The following ADAMTSL3 variants were observed in gnomAD, a reference collection of about 807,000 sequenced individuals.
The protein encoded by ADAMTSL3 is ADAMTS-like protein 3.
Under a neutral mutation model 201.7 loss-of-function variants are expected in ADAMTSL3, and 128 were observed. The observed-to-expected ratio is 0.63, with a 90% confidence interval of 0.55 to 0.73. ADAMTSL3 has a LOEUF of 0.73. ADAMTSL3 is among the 30% of genes least tolerant of loss of function. ADAMTSL3 has a pLI of 0.00. For missense variants in ADAMTSL3, 1,990 were observed against 2,119.6 expected (o/e 0.94, Z 1.20); for synonymous variants, 738 against 748.4 (o/e 0.99, Z 0.23).
At chr15:83,681,121 T>TA (rs2061471193) in intron 2 of ADAMTSL3, among the ~76,000 whole-genome samples, 1 of 152,240 alleles carries the variant, frequency 6.6e-6, no homozygotes, top group Admixed American at 6.5e-5. Context: ...TTGGATCTGA[T>TA]ACCAGCTAGA....
At chr15:83,914,805 C>T (rs979527564) in intron 16 of ADAMTSL3, among the ~76,000 whole-genome samples, 2 of 152,130 alleles carry the variant, frequency 1.3e-5, no homozygotes, top group Non-Finnish European at 2.9e-5. Context: ...GAGTTCAGAA[C>T]CCTGGACACG....
chr15:83,905,282 G>A (rs551121269), intron 15 of ADAMTSL3, among the ~76,000 whole-genome samples: 5 of 152,286 alleles, frequency 3.3e-5, no homozygotes, highest in Admixed American at 6.5e-5. Flanking sequence ...TTATAATTAC[G>A]TTATGGTGTT....
chr15:83,956,092 C>T (rs1295141818), intron 19 of ADAMTSL3, among the ~76,000 whole-genome samples: 1 of 152,126 alleles, frequency 6.6e-6, no homozygotes, highest in African/African-American at 2.4e-5. Context: ...CAGGCTCCGG[C>T]CACTGGAATA....
At chr15:83,720,079 C>T (rs1437838638) in intron 3 of ADAMTSL3, among the ~76,000 whole-genome samples, 2 of 152,036 alleles carry the variant, frequency 1.3e-5, no homozygotes, top group East Asian at 3.9e-4. Context: ...AATTGCTGGG[C>T]GTGGTGGCTT....
intron 2 of ADAMTSL3, 66 bp downstream of exon 2, chr15:83,655,896 G>T: frequency 1.3e-6 from 2 of 1,482,258 alleles, no homozygotes; most frequent in Non-Finnish European, 1.9e-6. Context: ...AGGCATTATT[G>T]TATACCACCT....
At chr15:83,912,314 T>C (rs2065948823) in intron 15 of ADAMTSL3, among the ~76,000 whole-genome samples, 1 of 152,222 alleles carries the variant, frequency 6.6e-6, no homozygotes, top group East Asian at 1.9e-4. Flanking sequence ...ACTTTAGTTA[T>C]GCACGGTAAA....
chr15:83,945,149 G>A (rs1373156327), intron 19 of ADAMTSL3, among the ~76,000 whole-genome samples: 3 of 152,104 alleles, frequency 2.0e-5, no homozygotes, highest in Non-Finnish European at 4.4e-5. Context: ...GGTCTACAGA[G>A]CAGGAGTTGC....
intron 6 of ADAMTSL3, among the ~76,000 whole-genome samples, chr15:83,835,644 G>C (rs1224561490): frequency 6.6e-6 from 1 of 152,220 alleles, no homozygotes; most frequent in Non-Finnish European, 1.5e-5. Flanking sequence ...CCCAGGAGCA[G>C]TGTTTCTATA....
intron 2 of ADAMTSL3, among the ~76,000 whole-genome samples, chr15:83,659,019 T>G (rs2730081): frequency 3.9e-5 from 6 of 152,052 alleles, no homozygotes; most frequent in African/African-American, 1.4e-4. Flanking sequence ...TAAACAACCA[T>G]GTCAAGATGG....
At chr15:83,709,106 A>G (rs760963952) in intron 3 of ADAMTSL3, among the ~76,000 whole-genome samples, 2 of 152,204 alleles carry the variant, frequency 1.3e-5, no homozygotes, top group Non-Finnish European at 2.9e-5. Flanking sequence ...CCCAGAGATT[A>G]AGATTAAGAT....
intron 5 of ADAMTSL3, among the ~76,000 whole-genome samples, chr15:83,804,955 C>T (rs1218182674): frequency 6.6e-6 from 1 of 152,152 alleles, no homozygotes; most frequent in Non-Finnish European, 1.5e-5. Context: ...TATCTGCAAG[C>T]TCCTTCAAAG....
chr15:83,917,630 A>G (rs930715463), intron 16 of ADAMTSL3, among the ~76,000 whole-genome samples: 3 of 152,028 alleles, frequency 2.0e-5, no homozygotes, highest in Non-Finnish European at 4.4e-5. Context: ...TTCTTCTTTT[A>G]TATTTTATAT....
chr15:83,964,130 A>G (rs1388608109), intron 19 of ADAMTSL3, among the ~76,000 whole-genome samples: 4 of 152,174 alleles, frequency 2.6e-5, no homozygotes, highest in African/African-American at 7.2e-5. Context: ...GCAAAGTGTC[A>G]CAACTCCTTG....
intron 6 of ADAMTSL3, among the ~76,000 whole-genome samples, chr15:83,822,420 GT>G (rs2063897822): frequency 7.0e-6 from 1 of 142,496 alleles, no homozygotes; most frequent in Non-Finnish European, 1.5e-5. Context: ...CGGGCGGAGG[GT>G]CTCCTCACTT....
chr15:83,772,029 A>G (rs978480886), intron 3 of ADAMTSL3, among the ~76,000 whole-genome samples: 4 of 151,688 alleles, frequency 2.6e-5, no homozygotes, highest in African/African-American at 9.7e-5. Context: ...GTTTTTTTGT[A>G]TTTTAGTAGA....
chr15:83,850,378 A>C (rs2064586029), intron 7 of ADAMTSL3, among the ~76,000 whole-genome samples: 1 of 151,944 alleles, frequency 6.6e-6, no homozygotes, highest in Non-Finnish European at 1.5e-5. Context: ...TCTTAAATAA[A>C]AGTATAATTT....
intron 2 of ADAMTSL3, among the ~76,000 whole-genome samples, chr15:83,692,552 G>A (rs374774444): frequency 4.7e-4 from 71 of 151,846 alleles, no homozygotes; most frequent in African/African-American, 1.4e-3. Flanking sequence ...TGGGTGTGGC[G>A]GCGGGCACCT....
At chr15:83,890,322 G>T in intron 11 of ADAMTSL3, 75 bp downstream of exon 11, 1 of 1,548,388 alleles carries the variant, frequency 6.5e-7, no homozygotes, top group African/African-American at 1.4e-5. Context: ...ATCAATCTTT[G>T]CAGGGCAATA....
rs1384272366 is a variant in ADAMTSL3, at chr15:83,655,820, C to T, written c.59C>T (p.Pro20Leu). The T allele has an allele frequency of 1.2e-6, 2 of 1,613,856 alleles. No individual in the cohort carries two copies. Among genetic ancestry groups the T allele is most frequent in the African/African-American group, 2.7e-5 (2 of 74,896 alleles). The change falls in exon 2 of 30, where the codon CCC (proline) becomes CTC (leucine). Residue 20 changes from proline (P) to leucine (L), a missense_variant. By Grantham distance (98) the Pro-to-Leu change is moderately conservative (BLOSUM62 -3). Coordinates refer to ENST00000286744, the MANE Select transcript of ADAMTSL3 (RefSeq NM_207517.3). The part of the protein sequence containing the change: ...VLIGMVFMHS[P>L]LPQTTAEKSP... ...ATAGGGATGGTCTTCATGCACTCTC[C>T]CCTCCCGCAGGTAAGGTCATATAGG... is the stretch of plus-strand genomic sequence containing the variant.
Sources: gnomAD v4.1 joint callset for allele counts (sites outside exome capture counted in the v4.1 genomes callset) on GRCh38, gnomAD v4.1.1 for gene constraint, MANE v1.5 for transcripts, NCBI Gene and HGNC (gene_info 2026-07-23, HGNC 2026-07-21) for gene names.